The following OPCML variants were observed in gnomAD, a reference collection of about 807,000 sequenced individuals.
OPCML encodes opioid-binding protein/cell adhesion molecule.
OPCML carries 13 observed loss-of-function variants against 37.8 expected under a neutral mutation model. The ratio of observed to expected loss-of-function variants is 0.34; its 90% CI spans 0.22 to 0.55. OPCML has a LOEUF of 0.55. Ranked by LOEUF, OPCML falls within the 20% of genes least tolerant of loss-of-function variation. The pLI, the probability that OPCML is intolerant of heterozygous loss-of-function variation, is 0.91. For missense variants in OPCML, 341 were observed against 435.6 expected (o/e 0.78, Z 1.93); for synonymous variants, 176 against 168.8 (o/e 1.04, Z -0.33).
intron 1 of OPCML, among the ~76,000 whole-genome samples, chr11:133,150,236 A>T (rs1949958632): frequency 6.6e-6 from 1 of 152,214 alleles, no homozygotes; most frequent in African/African-American, 2.4e-5. Flanking sequence ...ACAAAGTCTA[A>T]TGTGTATCGA....
chr11:132,964,266 A>G (rs1252589194), intron 1 of OPCML, among the ~76,000 whole-genome samples: 1 of 152,244 alleles, frequency 6.6e-6, no homozygotes, highest in African/African-American at 2.4e-5. Context: ...TTGAAGCAGA[A>G]GAGAGAATCT....
At chr11:132,617,244 G>C (rs555143690) in intron 3 of OPCML, among the ~76,000 whole-genome samples, 5 of 152,272 alleles carry the variant, frequency 3.3e-5, no homozygotes, top group Admixed American at 2.6e-4. Flanking sequence ...AGGGGGTTGA[G>C]AAAAATCCAA....
chr11:132,468,147 G>A (rs2096125378), intron 4 of OPCML, among the ~76,000 whole-genome samples: 1 of 152,164 alleles, frequency 6.6e-6, no homozygotes, highest in East Asian at 1.9e-4. Context: ...TTCAGCTCTT[G>A]TTGATCTCTA....
At chr11:132,812,393 G>A (rs1236293281) in intron 2 of OPCML, among the ~76,000 whole-genome samples, 1 of 150,214 alleles carries the variant, frequency 6.7e-6, no homozygotes, top group Non-Finnish European at 1.5e-5. Flanking sequence ...CCCTACAGAG[G>A]AAGAAAATTG....
intron 1 of OPCML, among the ~76,000 whole-genome samples, chr11:133,156,146 G>A (rs1309104503): frequency 6.6e-6 from 1 of 152,164 alleles, no homozygotes; most frequent in Non-Finnish European, 1.5e-5. Flanking sequence ...TCTTGAGGAT[G>A]AAATCCCAAT....
chr11:133,004,275 A>C (rs935149615), intron 1 of OPCML: 74 of 985,342 alleles, frequency 7.5e-5, no homozygotes, highest in Non-Finnish European at 8.8e-5. Context: ...TTGCCAGAGG[A>C]AAGCAAATGT....
chr11:133,386,132 C>T (rs188093383), intron 1 of OPCML, among the ~76,000 whole-genome samples: 13 of 152,058 alleles, frequency 8.5e-5, no homozygotes, highest in Admixed American at 2.0e-4. Flanking sequence ...AGCACGGAGG[C>T]GAATGAAATA....
chr11:133,454,332 T>A (rs890303350), intron 1 of OPCML, among the ~76,000 whole-genome samples: 1 of 152,236 alleles, frequency 6.6e-6, no homozygotes, highest in Non-Finnish European at 1.5e-5. Flanking sequence ...TAAAGACCAG[T>A]CTGTCACTAT....
At chr11:133,429,824 C>A (rs180766210) in intron 1 of OPCML, among the ~76,000 whole-genome samples, 2,463 of 152,168 alleles carry the variant, frequency 0.016, 52 homozygotes, top group East Asian at 0.056. Context: ...ATCTAGCATG[C>A]TCATTTAGAC....
At chr11:132,999,901 C>T (rs564625544) in intron 1 of OPCML, among the ~76,000 whole-genome samples, 1 of 152,182 alleles carries the variant, frequency 6.6e-6, no homozygotes, top group African/African-American at 2.4e-5. Flanking sequence ...CTACCCAAAA[C>T]GCATCCCCCT....
chr11:133,354,260 T>G (rs372745492), intron 1 of OPCML, among the ~76,000 whole-genome samples: 57 of 12,992 alleles, frequency 4.4e-3, no homozygotes, highest in African/African-American at 0.018. Flanking sequence ...GTGATAGTGG[T>G]GGTGGTAGTG....
intron 1 of OPCML, among the ~76,000 whole-genome samples, chr11:133,423,690 T>C (rs924791274): frequency 6.6e-6 from 1 of 152,204 alleles, no homozygotes; most frequent in African/African-American, 2.4e-5. Flanking sequence ...ACAATTTGGA[T>C]GTTTGTCCCC....
chr11:133,495,980 C>T (rs1170696763), intron 1 of OPCML, among the ~76,000 whole-genome samples: 1 of 152,142 alleles, frequency 6.6e-6, no homozygotes, highest in Non-Finnish European at 1.5e-5. Flanking sequence ...TTGCCTAAGC[C>T]AATGTCTGGA....
At chr11:132,829,694 C>A (rs1225657014) in intron 2 of OPCML, among the ~76,000 whole-genome samples, 1 of 152,166 alleles carries the variant, frequency 6.6e-6, no homozygotes, top group Non-Finnish European at 1.5e-5. Flanking sequence ...TTTTACTGAG[C>A]ATATTGATAG....
At chr11:133,070,545 G>A (rs1366967463) in intron 1 of OPCML, among the ~76,000 whole-genome samples, 1 of 152,148 alleles carries the variant, frequency 6.6e-6, no homozygotes, top group African/African-American at 2.4e-5. Flanking sequence ...CTGGCTACAA[G>A]CCCTCACTCC....
At chr11:132,466,143 C>T (rs1380374652) in intron 4 of OPCML, among the ~76,000 whole-genome samples, 5 of 152,118 alleles carry the variant, frequency 3.3e-5, no homozygotes, top group Admixed American at 3.3e-4. Flanking sequence ...AAGACAATGG[C>T]ACAGGGAGGC....
At chr11:133,110,180 A>G (rs2137090664) in intron 1 of OPCML, among the ~76,000 whole-genome samples, 1 of 152,334 alleles carries the variant, frequency 6.6e-6, no homozygotes, top group Admixed American at 6.5e-5. Flanking sequence ...GGTAACATGA[A>G]GTCAAAAGAC....
Position 132,848,141 on chromosome 11 carries a change from A to G in OPCML, c.146+94785T>C, listed in dbSNP as rs117820093. Among the ~76,000 whole-genome samples the G allele has an allele frequency of 6.6e-5, 10 of 152,368 alleles. No homozygotes were observed. The South Asian group carries it at 1.4e-3, about 22-fold the overall frequency. On this transcript the variant is annotated intron_variant, in intron 2 of 7. Coordinates refer to ENST00000524381, the MANE Select transcript of OPCML (RefSeq NM_001012393.5). The stretch of plus-strand genomic sequence containing the variant: ...TTTAAGATGGCAGTAGGAAATGGAA[A>G]GAAAGTTTGTAAACATTCACATGTG...
At chr11:132,969,609 C>T (rs1946294691) in intron 1 of OPCML, among the ~76,000 whole-genome samples, 1 of 152,112 alleles carries the variant, frequency 6.6e-6, no homozygotes, top group Non-Finnish European at 1.5e-5. Context: ...TTTCTTCACA[C>T]TTTTTTCTCT....
Sources: allele counts gnomAD v4.1 joint callset (sites outside exome capture counted in the v4.1 genomes callset), GRCh38; gene constraint gnomAD v4.1.1; transcripts MANE v1.5; gene names NCBI Gene and HGNC (gene_info 2026-07-23, HGNC 2026-07-21).